The following OXNAD1 variants were observed in gnomAD, a reference collection of about 807,000 sequenced individuals.
OXNAD1 encodes oxidoreductase NAD binding domain containing 1, also known as oxidoreductase NAD-binding domain-containing protein 1.
Under a neutral mutation model 32.9 loss-of-function variants are expected in OXNAD1, and 34 were observed. The ratio of observed to expected loss-of-function variants is 1.03; its 90% CI spans 0.79 to 1.38. The LOEUF is 1.38. Ranked by LOEUF, OXNAD1 falls within the 40% of genes most tolerant of loss-of-function variation. The pLI is 0.00. For synonymous variants in OXNAD1, 134 were observed against 135.2 expected (o/e 0.99, Z 0.06); for missense variants, 407 against 379.4 (o/e 1.07, Z -0.60).
chr3:16,305,403 C>T lies in OXNAD1; in HGVS notation c.*1841C>T, dbSNP rs2067482706. The T allele has an allele frequency of 6.6e-6, 1 of 152,288 alleles. No individual in the cohort carries two copies. Among genetic ancestry groups the T allele is most frequent in the African/African-American group, 2.4e-5 (1 of 41,454 alleles). 9.4% of individuals were successfully genotyped at this position (152,288 alleles called of 1,614,324 possible). A position where few individuals can be genotyped will look rare whatever the true frequency, so the allele number is the denominator to read the frequency against. ...GGTCATCTGTCCTGCCCAGCTATGC[C>T]TGCCACCCTGTTGCTGACTCAGTAT... On this transcript the variant is annotated 3_prime_UTR_variant, in exon 9 of 9. Transcript: ENST00000285083. This position sits in a 1 kb window ranked among gnomAD's most constrained non-coding sequence, Gnocchi z 4.5.
At chr3:16,328,621 C>T (rs944283081) in intron 9 of OXNAD1, among the ~76,000 whole-genome samples, 17 of 152,342 alleles carry the variant, frequency 1.1e-4, no homozygotes, top group African/African-American at 3.6e-4. Context: ...AAGCATGGCC[C>T]GAGCCGGCAG....
chr3:16,301,778 C>T lies in OXNAD1; in HGVS notation c.585C>T (p.Leu195=), dbSNP rs550142088. 1.9e-6 allele frequency: 3 copies of T among 1,614,092 alleles called. No individual in the cohort carries two copies. The highest frequency in any genetic ancestry group is 2.2e-5 in the East Asian group (1 of 44,872). ...LSILRHAADL[L]REQANKRNGY... Reference sequence around the variant, plus strand: ...TCCTGCGGCACGCAGCAGATCTCCTCAGAGAGCAGGCAAACAAAAGAAATG... The same window carrying T: ...TCCTGCGGCACGCAGCAGATCTCCTTAGAGAGCAGGCAAACAAAAGAAATG... The change falls in exon 7 of 9, where the codon CTC becomes CTT. Residue 195 remains leucine, a synonymous_variant. Coordinates refer to ENST00000285083, the MANE Select transcript of OXNAD1 (RefSeq NM_138381.5). This position sits in a 1 kb window ranked among gnomAD's most constrained non-coding sequence, Gnocchi z 4.1.
rs973431930 is a variant in OXNAD1, at chr3:16,346,207, G to A, written c.*31-2969G>A. On this transcript the variant is annotated intron_variant, in intron 9 of 9. Transcript: ENST00000606098. This position sits in a 1 kb window ranked among gnomAD's most constrained non-coding sequence, Gnocchi z 4.4. ...TTTTAATGACTACACACCTTCCCTT[G>A]ACTAAATGGAATCAATCCTTCCTGC... 6.6e-6 allele frequency: 1 copy of A among 152,118 alleles called. No homozygotes were observed. Among genetic ancestry groups the A allele is most frequent in the African/African-American group, 2.4e-5 (1 of 41,418 alleles). 9.4% of individuals were successfully genotyped at this position (152,118 alleles called of 1,614,324 possible).
rs750491540 is a variant in OXNAD1, at chr3:16,313,205, A to ATTTTTTTTTTTTTTTTTTTTT, written c.*30+9631_*30+9632insTTTTTTTTTTTTTTTTTTTTT. On this transcript the variant is annotated intron_variant, in intron 9 of 9. Transcript: ENST00000435829. ...GTACATGTACCACCACACCCAGCGGATTTTTTTTTTTTTTTTTTGCAGAGG... is the reference window on the plus strand; with the variant it reads ...GTACATGTACCACCACACCCAGCGGATTTTTTTTTTTTTTTTTTTTTTTTTTTTTTTTTTTTTTTGCAGAGG... Among the ~76,000 whole-genome samples the ATTTTTTTTTTTTTTTTTTTTT allele has an allele frequency of 7.5e-4, 78 of 103,786 alleles. 9 individuals are homozygous for ATTTTTTTTTTTTTTTTTTTTT. Among genetic ancestry groups the ATTTTTTTTTTTTTTTTTTTTT allele is most frequent in the East Asian group, 1.0e-3 (4 of 3,914 alleles). 68.1% of individuals were successfully genotyped at this position (103,786 alleles called of 152,430 possible). A position where few individuals can be genotyped will look rare whatever the true frequency, so the allele number is the denominator to read the frequency against.
chr3:16,281,768 C>G (rs2065755880), intron 4 of OXNAD1, among the ~76,000 whole-genome samples: 1 of 151,730 alleles, frequency 6.6e-6, no homozygotes. Context: ...TTTTCCCTAT[C>G]TAGTTTTGTT....
chr3:16,309,770 C>T (rs1376234910), downstream of OXNAD1, among the ~76,000 whole-genome samples: 4 of 152,184 alleles, frequency 2.6e-5, no homozygotes, highest in Non-Finnish European at 5.9e-5. Flanking sequence ...CTCATTCCAC[C>T]TCTCTCTGAA....
intron 1 of OXNAD1, among the ~76,000 whole-genome samples, chr3:16,268,741 CAA>C (rs2064729361): frequency 6.6e-6 from 1 of 152,078 alleles, no homozygotes; most frequent in South Asian, 2.1e-4. Context: ...CTTATTTTAG[CAA>C]TAGTTGTCTA....
downstream of OXNAD1, among the ~76,000 whole-genome samples, chr3:16,350,968 C>G (rs1052226106): frequency 2.0e-5 from 3 of 152,158 alleles, no homozygotes; most frequent in Admixed American, 2.0e-4. Context: ...AGAGTGGATT[C>G]TTAAAGAGAT....
At chr3:16,332,530 CAG>C (rs56937066) in intron 9 of OXNAD1, among the ~76,000 whole-genome samples, 4,274 of 152,042 alleles carry the variant, frequency 0.028, 118 homozygotes, top group East Asian at 0.11. Context: ...TTGCATGTGA[CAG>C]AGATGGGGAA....
rs1278620472 is a variant in OXNAD1, at chr3:16,277,165, G to A, written c.183+5443G>A. ...GCTTGTCTTGAACTCCTGACCTCAT[G>A]ATCTGCCCTCCTCGGCCTCCCAAAG... On this transcript the variant is annotated intron_variant, in intron 4 of 8. Coordinates refer to ENST00000285083, the MANE Select transcript of OXNAD1 (RefSeq NM_138381.5). The surrounding 1 kb of genome is among the most constrained non-coding windows in gnomAD (Gnocchi z 4.3). 6.6e-6 allele frequency among the ~76,000 whole-genome samples: 1 copy of A among 152,046 alleles called. No homozygotes were observed. The highest frequency in any genetic ancestry group is 1.5e-5 in the Non-Finnish European group (1 of 67,994).
downstream of OXNAD1, among the ~76,000 whole-genome samples, chr3:16,308,413 T>G (rs1302700622): frequency 6.6e-6 from 1 of 151,928 alleles, no homozygotes; most frequent in Non-Finnish European, 1.5e-5. This position sits in a 1 kb window ranked among gnomAD's most constrained non-coding sequence, Gnocchi z 4.4. Context: ...GTGGATGCAG[T>G]GATTGTCAAA....
rs902197857 is a variant in OXNAD1 at position 16,298,696 on chromosome 3, T to C, written c.433-2930T>C. ...ATGGAATAAAGTGCCATAAACGTCT[T>C]CCTTTATTTTATCTGCTTTGGCTCA... On this transcript the variant is annotated intron_variant, in intron 6 of 8. Transcript: ENST00000285083. This position sits in a 1 kb window ranked among gnomAD's most constrained non-coding sequence, Gnocchi z 5.1. Among the ~76,000 whole-genome samples, 8 of 152,198 alleles carry C rather than the reference T, an allele frequency of 5.3e-5. No homozygotes were observed. Among genetic ancestry groups the C allele is most frequent in the Non-Finnish European group, 1.2e-4 (8 of 68,026 alleles).
In OXNAD1 at chr3:16,303,757, T is replaced by G; in HGVS notation, c.*195T>G. Reference sequence around the variant, plus strand: ...AAACTTTTTGCAAAGACCTCAGTGATCAAACTATTTTTTACTATACTGATT... The same window carrying G: ...AAACTTTTTGCAAAGACCTCAGTGAGCAAACTATTTTTTACTATACTGATT... On this transcript the variant is annotated 3_prime_UTR_variant, in exon 9 of 9. Transcript: ENST00000285083. This position sits in a 1 kb window ranked among gnomAD's most constrained non-coding sequence, Gnocchi z 4.8. The G allele has an allele frequency of 2.0e-6, 1 of 500,182 alleles. No homozygotes were observed. Among genetic ancestry groups the G allele is most frequent in the Non-Finnish European group, 3.4e-6 (1 of 291,660 alleles). The allele number at this position is 500,182 out of a possible 1,614,324, so 31.0% of individuals were successfully genotyped here.
At chr3:16,292,062 GT>G (rs1464022288) in intron 5 of OXNAD1, among the ~76,000 whole-genome samples, 1 of 151,700 alleles carries the variant, frequency 6.6e-6, no homozygotes, top group African/African-American at 2.4e-5. Flanking sequence ...TATTTTGTCA[GT>G]TTTTTATTTG....
At chr3:16,270,907 A>G (rs763397937) in intron 2 of OXNAD1, 38 bp from the exon 3 acceptor site, 1 of 1,612,892 alleles carries the variant, frequency 6.2e-7, no homozygotes, top group South Asian at 1.1e-5. Flanking sequence ...CCCACTTTTA[A>G]AAAAACAATT....
Position 16,345,786 on chromosome 3 carries a change from C to CTGTGTGTGTGTGTGTGTGTG in OXNAD1, c.*31-3389_*31-3388insGTGTGTGTGTGTGTGTGTGT, listed in dbSNP as rs1553726059. On this transcript the variant is annotated intron_variant, in intron 9 of 9. Transcript: ENST00000606098. The surrounding 1 kb of genome is among the most constrained non-coding windows in gnomAD (Gnocchi z 5.2). ...CATGAGCCAAAACCTTATAATAAAT[C>CTGTGTGTGTGTGTGTGTGTG]TCTGTGTGTGTGTGTGTGTGTGTGT... 6.1e-5 allele frequency among the ~76,000 whole-genome samples: 5 copies of CTGTGTGTGTGTGTGTGTGTG among 81,556 alleles called. No individual in the cohort carries two copies. Among genetic ancestry groups the CTGTGTGTGTGTGTGTGTGTG allele is most frequent in the South Asian group, 4.4e-4 (1 of 2,290 alleles). The allele number at this position is 81,556 out of a possible 152,430, so 53.5% of individuals were successfully genotyped here.
Position 16,289,959 on chromosome 3 carries a change from C to T in OXNAD1, c.290+3511C>T, listed in dbSNP as rs1474573772. 1.3e-5 allele frequency among the ~76,000 whole-genome samples: 2 copies of T among 152,214 alleles called. No homozygotes were observed. Among genetic ancestry groups the T allele is most frequent in the African/African-American group, 4.8e-5 (2 of 41,456 alleles). Reference sequence around the variant, plus strand: ...ATCTTTGTACCTCCAGCAAGTACCACAGTGCCTGTATATGGTAGGCAGGTG... The same window carrying T: ...ATCTTTGTACCTCCAGCAAGTACCATAGTGCCTGTATATGGTAGGCAGGTG... On this transcript the variant is annotated intron_variant, in intron 5 of 8. Coordinates refer to ENST00000285083, the MANE Select transcript of OXNAD1 (RefSeq NM_138381.5). This position sits in a 1 kb window ranked among gnomAD's most constrained non-coding sequence, Gnocchi z 4.9.
In OXNAD1 at chr3:16,284,408, G is replaced by T. The variant is rs2065943017; in HGVS notation, c.184-1934G>T. 6.6e-6 allele frequency among the ~76,000 whole-genome samples: 1 copy of T among 152,170 alleles called. No homozygotes were observed. Among genetic ancestry groups the T allele is most frequent in the South Asian group, 2.1e-4 (1 of 4,836 alleles). ...TAGAGTGTACTTAAACAAACCTGGA[G>T]GGGATAGCCTACTACACACTTAGGC... On this transcript the variant is annotated intron_variant, in intron 4 of 8. Coordinates refer to ENST00000285083, the MANE Select transcript of OXNAD1 (RefSeq NM_138381.5). This position sits in a 1 kb window ranked among gnomAD's most constrained non-coding sequence, Gnocchi z 4.1.
intron 9 of OXNAD1, among the ~76,000 whole-genome samples, chr3:16,313,080 C>G (rs2068083174): frequency 6.7e-6 from 1 of 148,596 alleles, no homozygotes; most frequent in African/African-American, 2.5e-5. Flanking sequence ...GGGTCTTGTT[C>G]TATTGTCCAG....
Sources: gnomAD v4.1 joint callset for allele counts (sites outside exome capture counted in the v4.1 genomes callset) on GRCh38, gnomAD v4.1.1 for gene constraint, Gnocchi (gnomAD v3.1) non-coding constraint, MANE v1.5 for transcripts, NCBI Gene and HGNC (gene_info 2026-07-23, HGNC 2026-07-21) for gene names.